Variants in CAPN3 observed in about 807,000 individuals in gnomAD.
CAPN3 encodes calpain 3.
In CAPN3, 88 loss-of-function variants were observed where a neutral mutation model predicts 114.0. The ratio of observed to expected loss-of-function variants is 0.77; its 90% confidence interval spans 0.65 to 0.92. CAPN3 has a LOEUF of 0.92. Among genes scored for constraint, CAPN3 ranks in the 40% least tolerant of loss-of-function variants. The pLI is 0.00. For synonymous variants in CAPN3, 386 were observed against 382.9 expected (o/e 1.01, Z -0.09); for missense variants, 1,028 against 1,069.0 (o/e 0.96, Z 0.53).
At chr15:42,406,276 G>C (rs995511775) in intron 15 of CAPN3, among the ~76,000 whole-genome samples, 2 of 152,038 alleles carry the variant, frequency 1.3e-5, no homozygotes, top group Admixed American at 1.3e-4. Context: ...CACAGCCAGA[G>C]AGGGGCAGAG....
intron 1 of CAPN3, among the ~76,000 whole-genome samples, chr15:42,364,707 G>A (rs1376580625): frequency 4.6e-5 from 7 of 152,172 alleles, no homozygotes; most frequent in Non-Finnish European, 4.4e-5. Flanking sequence ...TACAAAAGAG[G>A]GATCACACTT....
intron 23 of CAPN3, 131 bp downstream of exon 23, chr15:42,411,476 A>G (rs2054231091): frequency 6.5e-6 from 6 of 925,150 alleles, no homozygotes; most frequent in South Asian, 1.3e-5. Flanking sequence ...GGAACAGAAC[A>G]TGGAGGGAGG....
chr15:42,391,847 G>A (rs1461779307), intron 6 of CAPN3, among the ~76,000 whole-genome samples: 1 of 152,142 alleles, frequency 6.6e-6, no homozygotes, highest in African/African-American at 2.4e-5. Context: ...AGGTGGGTGT[G>A]GAGGAGGTGA....
At position 42,411,895 on chromosome 15, in the gene CAPN3, T is replaced by G; in HGVS notation, c.*122T>G. ...ACACCCCTACAGGCTTCCAGGCACC[T>G]CATCAGTCATGCTCCTCCTCCATTT... is the stretch of plus-strand genomic sequence containing the variant. On this transcript the variant is annotated 3_prime_UTR_variant, in exon 24 of 24. Coordinates refer to ENST00000397163, the MANE Select transcript of CAPN3 (RefSeq NM_000070.3). The G allele has an allele frequency of 6.3e-7, 1 of 1,584,322 alleles. No individual in the cohort carries two copies. Among genetic ancestry groups the G allele is most frequent in the Non-Finnish European group, 8.6e-7 (1 of 1,164,630 alleles).
intron 8 of CAPN3, among the ~76,000 whole-genome samples, chr15:42,396,542 GA>G (rs1417750205): frequency 2.6e-5 from 4 of 152,038 alleles, no homozygotes; most frequent in African/African-American, 9.7e-5. Flanking sequence ...GAGCAGCCCA[GA>G]ACTCAATTCT....
chr15:42,362,208 G>A (rs2052663526), intron 1 of CAPN3, among the ~76,000 whole-genome samples: 1 of 152,192 alleles, frequency 6.6e-6, no homozygotes, highest in South Asian at 2.1e-4. Context: ...GAGCTCAGGA[G>A]TTGGAGACCA....
At chr15:42,399,118 A>G (rs1353034645) in intron 9 of CAPN3, among the ~76,000 whole-genome samples, 1 of 151,924 alleles carries the variant, frequency 6.6e-6, no homozygotes, top group South Asian at 2.1e-4. Flanking sequence ...ATCTAACTGT[A>G]TTTTTGTATC....
At chr15:42,367,772 A>T (rs766914069) in intron 1 of CAPN3, among the ~76,000 whole-genome samples, 6 of 152,142 alleles carry the variant, frequency 3.9e-5, no homozygotes, top group Non-Finnish European at 8.8e-5. Context: ...GACCCAAAAG[A>T]CAGTGAAATA....
Position 42,410,550 on chromosome 15 carries a change from C to G in CAPN3, c.2185-38C>G, listed in dbSNP as rs752094639. On this transcript the variant is annotated intron_variant, in intron 20 of 23. Coordinates refer to ENST00000397163, the MANE Select transcript of CAPN3 (RefSeq NM_000070.3). ...CAAGAATGGGGTTGATTTGGAGATTCAGTGTGTGACCTCCATCCTCAAATT... is the reference window on the plus strand; with the variant it reads ...CAAGAATGGGGTTGATTTGGAGATTGAGTGTGTGACCTCCATCCTCAAATT... 6 of 1,607,352 alleles carry G rather than the reference C, an allele frequency of 3.7e-6. No individual in the cohort carries two copies. The South Asian group carries it at 4.4e-5, about 12-fold the overall frequency.
rs756523727 is a variant in CAPN3 at position 42,411,799 on chromosome 15, T to C, written c.*26T>C. 1.4e-5 allele frequency: 22 copies of C among 1,610,986 alleles called. No individual in the cohort carries two copies. In the East Asian group the frequency reaches 4.9e-4, roughly 36 times the overall value. On this transcript the variant is annotated 3_prime_UTR_variant, in exon 24 of 24. Transcript: ENST00000397163. ...ACCAGGCTGGCCTCATCCAAAGCCATGCAGGATCACTCAGGATTTCAGTTT... is the reference window on the plus strand; with the variant it reads ...ACCAGGCTGGCCTCATCCAAAGCCACGCAGGATCACTCAGGATTTCAGTTT...
intron 10 of CAPN3, 88 bp from the exon 11 acceptor site, chr15:42,401,553 A>C (rs1214041583): frequency 1.0e-6 from 1 of 988,294 alleles, no homozygotes; most frequent in Admixed American, 2.1e-5. Flanking sequence ...AGATGTAGGG[A>C]ATAGAAATAA....
At position 42,399,663 on chromosome 15, in the gene CAPN3, C is replaced by G. The variant is rs761760729; in HGVS notation, c.1354+11C>G. The G allele has an allele frequency of 2.5e-6, 4 of 1,589,924 alleles. No homozygotes were observed. The South Asian group carries it at 3.4e-5, about 13-fold the overall frequency. The stretch of plus-strand genomic sequence containing the variant: ...GCCGCAACTTCCCAGGTGGGAGATG[C>G]TCTTGATGGGGGGAGGGTCTAAGCC... On this transcript the variant is annotated intron_variant, in intron 10 of 23. Coordinates refer to ENST00000397163, the MANE Select transcript of CAPN3 (RefSeq NM_000070.3).
At chr15:42,376,563 T>C (rs78595149) in intron 1 of CAPN3, among the ~76,000 whole-genome samples, 5 of 147,084 alleles carry the variant, frequency 3.4e-5, no homozygotes, top group Admixed American at 1.3e-4. Context: ...TTTTTTTTTT[T>C]CCTTGAGCAC....
intron 14 of CAPN3, 91 bp downstream of exon 14, chr15:42,403,868 T>C: frequency 8.7e-7 from 1 of 1,144,788 alleles, no homozygotes; most frequent in Non-Finnish European, 1.3e-6. Flanking sequence ...GAATGGGCAC[T>C]GGCAGAGGGA....
intron 19 of CAPN3, 106 bp downstream of exon 19, chr15:42,410,101 G>T: frequency 1.0e-6 from 1 of 994,804 alleles, no homozygotes; most frequent in South Asian, 1.3e-5. Context: ...TGTGCCCAGG[G>T]AAACTTAAGG....
chr15:42,399,369 T>G, intron 9 of CAPN3, 123 bp from the exon 10 acceptor site: 1 of 788,382 alleles, frequency 1.3e-6, no homozygotes, highest in Non-Finnish European at 2.2e-6. Flanking sequence ...CAGGCTCCTC[T>G]GGGACCCTGA....
intron 1 of CAPN3, among the ~76,000 whole-genome samples, chr15:42,374,857 G>A (rs1289334292): frequency 1.5e-5 from 2 of 135,484 alleles, no homozygotes; most frequent in Admixed American, 8.3e-5. Flanking sequence ...CTGGAGTGCA[G>A]TGGCTTGATT....
chr15:42,387,955 C>T (rs1280477474), intron 4 of CAPN3, 69 bp downstream of exon 4: 1 of 1,591,224 alleles, frequency 6.3e-7, no homozygotes. Context: ...CCAGCCGAGA[C>T]CTCACTCACA....
chr15:42,366,258 C>A (rs2052772625), intron 1 of CAPN3, among the ~76,000 whole-genome samples: 2 of 152,334 alleles, frequency 1.3e-5, no homozygotes, highest in South Asian at 4.1e-4. Context: ...CTGCCATCCC[C>A]AACCTATTCC....
Sources: allele counts gnomAD v4.1 joint callset (sites outside exome capture counted in the v4.1 genomes callset), GRCh38; gene constraint gnomAD v4.1.1; transcripts MANE v1.5; gene names NCBI Gene and HGNC (gene_info 2026-07-23, HGNC 2026-07-21).